Variants in FGF14 observed in about 807,000 individuals in gnomAD.
FGF14 encodes the protein fibroblast growth factor homologous factor 4.
Under a neutral mutation model 25.5 loss-of-function variants are expected in FGF14, and 5 were observed. The ratio of observed to expected loss-of-function variants is 0.20; its 90% CI spans 0.10 to 0.41. The LOEUF is 0.41. FGF14 is among the 10% of genes least tolerant of loss of function. The pLI, the probability that FGF14 is intolerant of heterozygous loss-of-function variation, is 1.00. For missense variants in FGF14, 222 were observed against 320.1 expected, an observed-to-expected ratio of 0.69 and a Z score of 2.34; for synonymous variants, 138 against 118.3, an observed-to-expected ratio of 1.17 and a Z score of -1.08.
chr13:102,149,763 G>A (rs2047002353), intron 1 of FGF14, among the ~76,000 whole-genome samples: 1 of 152,326 alleles, frequency 6.6e-6, no homozygotes, highest in Non-Finnish European at 1.5e-5. Flanking sequence ...GCAGCCCAGG[G>A]CAGAGCTCCG....
chr13:102,304,794 G>A (rs1295754925), intron 1 of FGF14, among the ~76,000 whole-genome samples: 1 of 152,108 alleles, frequency 6.6e-6, no homozygotes, highest in Non-Finnish European at 1.5e-5. Flanking sequence ...CCAAATGCTG[G>A]CACCATCTTA....
At chr13:101,736,695 G>A (rs1304046145) in intron 3 of FGF14, among the ~76,000 whole-genome samples, 1 of 151,994 alleles carries the variant, frequency 6.6e-6, no homozygotes, top group East Asian at 1.9e-4. Flanking sequence ...TTTACTTATC[G>A]GTATGAGGCA....
intron 1 of FGF14, among the ~76,000 whole-genome samples, chr13:102,076,829 C>T (rs1372024879): frequency 6.6e-6 from 1 of 151,880 alleles, no homozygotes; most frequent in Non-Finnish European, 1.5e-5. Context: ...AAATATTGAG[C>T]AAAAGGAACA....
chr13:102,017,204 G>C (rs2040393629), intron 1 of FGF14: 1 of 293,262 alleles, frequency 3.4e-6, no homozygotes, highest in Non-Finnish European at 6.5e-6. Flanking sequence ...TTTACTTGTT[G>C]ATTTTTGGAT....
At chr13:101,840,114 A>G (rs2043128066) in intron 3 of FGF14, among the ~76,000 whole-genome samples, 1 of 152,034 alleles carries the variant, frequency 6.6e-6, no homozygotes, top group African/African-American at 2.4e-5. Context: ...ATACCAGTTC[A>G]ATTAATTCCA....
At chr13:101,911,595 C>A (rs375013394) in intron 1 of FGF14, among the ~76,000 whole-genome samples, 16 of 152,086 alleles carry the variant, frequency 1.1e-4, no homozygotes, top group African/African-American at 3.9e-4. Context: ...ACAATGAATG[C>A]CTTTTTTGTC....
intron 3 of FGF14, among the ~76,000 whole-genome samples, chr13:101,818,001 C>CA (rs1474911293): frequency 2.0e-5 from 3 of 152,154 alleles, no homozygotes; most frequent in Non-Finnish European, 4.4e-5. Flanking sequence ...CTCAGTTATT[C>CA]AGTCAGTCAA....
intron 3 of FGF14, among the ~76,000 whole-genome samples, chr13:101,845,714 T>G (rs1181465841): frequency 6.6e-6 from 1 of 151,542 alleles, no homozygotes; most frequent in Non-Finnish European, 1.5e-5. Context: ...GTAAATGAGG[T>G]ACTGTAACAT....
chr13:102,236,962 T>C (rs1266249654), intron 1 of FGF14, among the ~76,000 whole-genome samples: 2 of 151,866 alleles, frequency 1.3e-5, no homozygotes, highest in African/African-American at 4.8e-5. Context: ...TGAGAGTTGG[T>C]TGCGCAGGAC....
intron 1 of FGF14, among the ~76,000 whole-genome samples, chr13:102,351,021 G>A (rs573361657): frequency 2.6e-5 from 4 of 152,118 alleles, no homozygotes; most frequent in African/African-American, 9.6e-5. Flanking sequence ...CCAGCACTGG[G>A]TACTCCCTTC....
At chr13:101,794,436 C>G (rs528931349) in intron 3 of FGF14, among the ~76,000 whole-genome samples, 1 of 152,208 alleles carries the variant, frequency 6.6e-6, no homozygotes, top group South Asian at 2.1e-4. Context: ...CATGGGCAAA[C>G]CAAGCAGGAC....
intron 3 of FGF14, among the ~76,000 whole-genome samples, chr13:101,864,035 T>C (rs2044565781): frequency 6.6e-6 from 1 of 152,162 alleles, no homozygotes; most frequent in African/African-American, 2.4e-5. Context: ...AACACTATCT[T>C]ATGTAGAGTG....
intron 1 of FGF14, among the ~76,000 whole-genome samples, chr13:102,078,649 T>C (rs2043476744): frequency 6.6e-6 from 1 of 152,108 alleles, no homozygotes; most frequent in Admixed American, 6.6e-5. Context: ...GATTTGACGC[T>C]GCAGAGGGAT....
At position 101,902,932 on chromosome 13, in the gene FGF14, C is replaced by G. The variant is rs563261060; in HGVS notation, c.193+13521G>C. On this transcript the variant is annotated intron_variant, in intron 1 of 4. Transcript: ENST00000376143. The stretch of plus-strand genomic sequence containing the variant: ...AGAACCTCACTTATTTAGTGCTTCT[C>G]TCTCTCTTCCAAAGAAAGCCAGCTG... Among the ~76,000 whole-genome samples the G allele has an allele frequency of 2.0e-5, 3 of 152,292 alleles. No individual in the cohort carries two copies. The East Asian group carries it at 5.8e-4, about 29-fold the overall frequency.
Position 101,916,682 on chromosome 13 carries a change from G to C in FGF14, c.-37C>G, listed in dbSNP as rs1403159809. The C allele has an allele frequency of 6.8e-7, 1 of 1,466,122 alleles. No homozygotes were observed. Among genetic ancestry groups the C allele is most frequent in the Non-Finnish European group, 9.0e-7 (1 of 1,107,584 alleles). 90.8% of individuals were successfully genotyped at this position (1,466,122 alleles called of 1,614,324 possible). On this transcript the variant is annotated 5_prime_UTR_variant, in exon 1 of 5. Transcript: ENST00000376143. The stretch of plus-strand genomic sequence containing the variant: ...GAACGGGTCCGGGGAGGGAGGGCGC[G>C]GGAGGACGGCGAGCCGGGGGCACCG...
intron 3 of FGF14, among the ~76,000 whole-genome samples, chr13:101,759,679 G>C (rs2037883759): frequency 6.6e-6 from 1 of 151,986 alleles, no homozygotes; most frequent in Non-Finnish European, 1.5e-5. Flanking sequence ...TAATCTTTTG[G>C]GCTTCAGTTT....
intron 1 of FGF14, among the ~76,000 whole-genome samples, chr13:101,882,990 A>G (rs1477259408): frequency 3.3e-5 from 5 of 152,122 alleles, no homozygotes; most frequent in Non-Finnish European, 1.5e-5. Context: ...AAGGAGAAGA[A>G]AAGAGGCGGC....
intron 2 of FGF14, among the ~76,000 whole-genome samples, chr13:101,873,210 A>C (rs956907622): frequency 7.2e-5 from 11 of 152,130 alleles, no homozygotes; most frequent in African/African-American, 2.4e-4. Flanking sequence ...TTTAAAAGGC[A>C]ATGTCTAATA....
At chr13:101,768,010 A>G (rs2038515984) in intron 3 of FGF14, among the ~76,000 whole-genome samples, 1 of 152,146 alleles carries the variant, frequency 6.6e-6, no homozygotes, top group African/African-American at 2.4e-5. Context: ...CATTGTTTTC[A>G]TAATTTAGAG....
Sources: gnomAD v4.1 joint callset for allele counts (sites outside exome capture counted in the v4.1 genomes callset) on GRCh38, gnomAD v4.1.1 for gene constraint, MANE v1.5 for transcripts, NCBI Gene and HGNC (gene_info 2026-07-23, HGNC 2026-07-21) for gene names.